NRXN1: variants seen among roughly 807,000 people sequenced by gnomAD.
NRXN1 encodes the protein neurexin 1.
NRXN1 carries 39 observed loss-of-function variants against 150.9 expected under a neutral mutation model. That is an observed-to-expected ratio of 0.26 (90% CI 0.20 to 0.34). NRXN1 has a LOEUF of 0.34. Among genes scored for constraint, NRXN1 ranks in the 10% least tolerant of loss-of-function variants. The probability of loss-of-function intolerance (pLI) is 1.00; values close to 1 mark genes in which losing one functional copy is unlikely to be tolerated. For missense variants in NRXN1, 1,815 were observed against 1,949.9 expected (o/e 0.93, Z 1.30); for synonymous variants, 924 against 757.0 (o/e 1.22, Z -3.62).
At chr2:50,269,964 T>C (rs995821001) in intron 17 of NRXN1, among the ~76,000 whole-genome samples, 3 of 152,132 alleles carry the variant, frequency 2.0e-5, no homozygotes, top group Non-Finnish European at 4.4e-5. Context: ...GCACATTCTG[T>C]TAAAACAAAA....
chr2:50,453,557 A>G (rs1289497266), intron 17 of NRXN1, among the ~76,000 whole-genome samples: 1 of 152,136 alleles, frequency 6.6e-6, no homozygotes, highest in Non-Finnish European at 1.5e-5. Flanking sequence ...GGTATATTCT[A>G]CTAAAATATT....
intron 22 of NRXN1, among the ~76,000 whole-genome samples, chr2:49,937,249 G>T (rs1671210898): frequency 2.0e-5 from 3 of 152,122 alleles, no homozygotes; most frequent in Admixed American, 2.0e-4. Flanking sequence ...AAGCACAGTT[G>T]GTCCCAAATC....
At chr2:50,407,925 G>A (rs926076671) in intron 17 of NRXN1, among the ~76,000 whole-genome samples, 1 of 152,084 alleles carries the variant, frequency 6.6e-6, no homozygotes, top group East Asian at 1.9e-4. Context: ...CATGGCTTGG[G>A]CTTCATCGTC....
chr2:50,385,342 A>T (rs1051260693), intron 17 of NRXN1, among the ~76,000 whole-genome samples: 5 of 152,176 alleles, frequency 3.3e-5, no homozygotes, highest in African/African-American at 1.2e-4. Flanking sequence ...CTGCAGTATT[A>T]AATCTTCTCA....
chr2:50,209,236 TGA>T (rs2062834741), intron 18 of NRXN1, among the ~76,000 whole-genome samples: 1 of 152,150 alleles, frequency 6.6e-6, no homozygotes, highest in South Asian at 2.1e-4. Flanking sequence ...TCTCTCAGGT[TGA>T]GAGAATGAGT....
At chr2:50,093,677 C>T (rs1335112058) in intron 18 of NRXN1, among the ~76,000 whole-genome samples, 1 of 152,022 alleles carries the variant, frequency 6.6e-6, no homozygotes, top group Non-Finnish European at 1.5e-5. Context: ...TACATGGACC[C>T]TGAGTTTCCT....
At chr2:50,101,344 A>G (rs1700954931) in intron 18 of NRXN1, among the ~76,000 whole-genome samples, 1 of 152,038 alleles carries the variant, frequency 6.6e-6, no homozygotes, top group Non-Finnish European at 1.5e-5. Flanking sequence ...CATTCTATCA[A>G]TTCTGCTAAT....
chr2:50,224,803 A>G (rs1469447544), intron 18 of NRXN1, among the ~76,000 whole-genome samples: 1 of 151,788 alleles, frequency 6.6e-6, no homozygotes, highest in African/African-American at 2.4e-5. Flanking sequence ...GAGGATTACT[A>G]CAGGACAGTT....
chr2:50,348,500 T>A (rs950768561), intron 17 of NRXN1, among the ~76,000 whole-genome samples: 1 of 152,240 alleles, frequency 6.6e-6, no homozygotes, highest in Non-Finnish European at 1.5e-5. Flanking sequence ...GCTGTGATGA[T>A]CTTTGCTAAC....
intron 17 of NRXN1, among the ~76,000 whole-genome samples, chr2:50,301,554 T>G (rs2074151000): frequency 6.6e-6 from 1 of 152,210 alleles, no homozygotes; most frequent in South Asian, 2.1e-4. Context: ...TTTTATGTGA[T>G]CTCTGATTTT....
At chr2:50,857,202 C>T (rs1675398819) in intron 5 of NRXN1, among the ~76,000 whole-genome samples, 1 of 151,960 alleles carries the variant, frequency 6.6e-6, no homozygotes, top group African/African-American at 2.4e-5. Flanking sequence ...GCTGTGTGCC[C>T]TCTGAGTCAA....
chr2:50,640,314 T>C (rs1683885841), intron 5 of NRXN1, among the ~76,000 whole-genome samples: 1 of 152,170 alleles, frequency 6.6e-6, no homozygotes. Context: ...TGTGGCTCTA[T>C]AACTGTATAA....
At chr2:50,657,854 T>A (rs1016959645) in intron 5 of NRXN1, among the ~76,000 whole-genome samples, 1 of 152,032 alleles carries the variant, frequency 6.6e-6, no homozygotes, top group Non-Finnish European at 1.5e-5. Flanking sequence ...GAAGAGGCTG[T>A]GGTATTTACT....
intron 21 of NRXN1, among the ~76,000 whole-genome samples, chr2:50,010,899 T>C (rs1425115991): frequency 6.6e-6 from 1 of 152,188 alleles, no homozygotes; most frequent in Non-Finnish European, 1.5e-5. Flanking sequence ...GAAAAATGTC[T>C]ACATGAAACA....
chr2:50,683,050 T>C (rs969728537), intron 5 of NRXN1, among the ~76,000 whole-genome samples: 1 of 152,092 alleles, frequency 6.6e-6, no homozygotes, highest in East Asian at 1.9e-4. Flanking sequence ...TGAAAATATA[T>C]AGAGGAAGCA....
At position 50,921,934 on chromosome 2, in the gene NRXN1, T is replaced by C. The variant is rs7423296; in HGVS notation, c.821-54A>G. ...AGAAAGGGTTTCCAGACAAAGAGGA[T>C]AAAGAGGAGAAAAACAACAATAAGT... On this transcript the variant is annotated intron_variant, in intron 4 of 22. Coordinates refer to ENST00000401669, the MANE Select transcript of NRXN1 (RefSeq NM_001330078.2). 0.087 allele frequency: 98,056 copies of C among 1,132,532 alleles called. 4,716 individuals are homozygous for C. The highest frequency in any genetic ancestry group is 0.13 in the South Asian group (6,158 of 48,462). The allele number at this position is 1,132,532 out of a possible 1,614,324, so 70.2% of individuals were successfully genotyped here.
At chr2:50,888,836 C>A (rs116291718) in intron 5 of NRXN1, among the ~76,000 whole-genome samples, 6,452 of 151,670 alleles carry the variant, frequency 0.043, 187 homozygotes, top group Admixed American at 0.069. Flanking sequence ...TACCTACATT[C>A]TATCTCTGAT....
intron 5 of NRXN1, among the ~76,000 whole-genome samples, chr2:50,750,797 T>G (rs985559121): frequency 1.3e-4 from 20 of 152,024 alleles, no homozygotes; most frequent in Non-Finnish European, 2.4e-4. Context: ...ATGTTTCACC[T>G]TTGTAGTTTC....
chr2:50,192,908 G>A (rs989267296), intron 18 of NRXN1, among the ~76,000 whole-genome samples: 9 of 152,122 alleles, frequency 5.9e-5, no homozygotes, highest in African/African-American at 9.7e-5. Context: ...TGAGCCACCC[G>A]CCCCACAGGA....
Sources: gnomAD v4.1 joint callset for allele counts (sites outside exome capture counted in the v4.1 genomes callset) on GRCh38, gnomAD v4.1.1 for gene constraint, MANE v1.5 for transcripts, NCBI Gene and HGNC (gene_info 2026-07-23, HGNC 2026-07-21) for gene names.